The following PLEKHA5 variants were observed in gnomAD, a reference collection of about 807,000 sequenced individuals.
PLEKHA5 encodes the protein pleckstrin homology domain containing A5, also known as pleckstrin homology domain-containing family A member 5.
PLEKHA5 carries 55 observed loss-of-function variants against 181.9 expected under a neutral mutation model. That is an observed-to-expected ratio of 0.30 (90% CI 0.24 to 0.38). The LOEUF (loss-of-function observed/expected upper bound fraction) is 0.38. PLEKHA5 is among the 10% of genes least tolerant of loss of function. The pLI, the probability that PLEKHA5 is intolerant of heterozygous loss-of-function variation, is 1.00. For missense variants in PLEKHA5, 1,432 were observed against 1,549.5 expected, an observed-to-expected ratio of 0.92 and a Z score of 1.27; for synonymous variants, 535 against 529.4, an observed-to-expected ratio of 1.01 and a Z score of -0.15.
chr12:19,333,421 T>TA (rs774341489), intron 20 of PLEKHA5, among the ~76,000 whole-genome samples: 19 of 150,434 alleles, frequency 1.3e-4, no homozygotes, highest in Non-Finnish European at 2.1e-4. Context: ...CTACTAAAAA[T>TA]AAAAAAAAAT....
intron 15 of PLEKHA5, among the ~76,000 whole-genome samples, chr12:19,314,517 CTA>C (rs1197182095): frequency 6.6e-6 from 1 of 152,066 alleles, no homozygotes; most frequent in African/African-American, 2.4e-5. Context: ...GATTTATCAT[CTA>C]TTTTATTATA....
At chr12:19,341,237 G>A (rs939681148) in intron 21 of PLEKHA5, among the ~76,000 whole-genome samples, 21 of 152,162 alleles carry the variant, frequency 1.4e-4, no homozygotes, top group Middle Eastern at 3.4e-3. Flanking sequence ...AGATCACATC[G>A]CTGCACTCCA....
At chr12:19,330,100 G>A (rs528951852) in intron 20 of PLEKHA5, among the ~76,000 whole-genome samples, 21 of 152,130 alleles carry the variant, frequency 1.4e-4, no homozygotes, top group Middle Eastern at 6.8e-3. Context: ...GAAGTGTGGC[G>A]CAGTAATAGT....
chr12:19,232,672 G>A (rs2060810834), intron 3 of PLEKHA5, among the ~76,000 whole-genome samples: 1 of 152,052 alleles, frequency 6.6e-6, no homozygotes, highest in African/African-American at 2.4e-5. Context: ...AGGTGTTTAT[G>A]GATTCATTTG....
intron 29 of PLEKHA5, among the ~76,000 whole-genome samples, chr12:19,362,948 T>C (rs2095303545): frequency 6.9e-6 from 1 of 145,042 alleles, no homozygotes; most frequent in African/African-American, 2.5e-5. Context: ...CCAACTGTAC[T>C]ATGCCATTTG....
At chr12:19,289,925 A>G (rs1190191135) in intron 13 of PLEKHA5, among the ~76,000 whole-genome samples, 1 of 151,572 alleles carries the variant, frequency 6.6e-6, no homozygotes, top group Non-Finnish European at 1.5e-5. Flanking sequence ...ATTTTATTTT[A>G]TTTTATTTTT....
chr12:19,360,010 T>C (rs1221258273), intron 28 of PLEKHA5, among the ~76,000 whole-genome samples: 1 of 151,512 alleles, frequency 6.6e-6, no homozygotes, highest in Non-Finnish European at 1.5e-5. Context: ...TTTCTTTAGT[T>C]TGATTGATGT....
chr12:19,288,235 C>A, intron 13 of PLEKHA5: 1 of 173,428 alleles, frequency 5.8e-6, no homozygotes, highest in Non-Finnish European at 1.3e-5. Context: ...TTAAGTTTTT[C>A]GTGTGAATTT....
At chr12:19,165,141 G>A (rs544655810) in intron 3 of PLEKHA5, among the ~76,000 whole-genome samples, 1 of 152,296 alleles carries the variant, frequency 6.6e-6, no homozygotes, top group Admixed American at 6.5e-5. Context: ...TTAAGAGTTA[G>A]AGTTTTGGAG....
At chr12:19,244,285 TAAG>T (rs535675042) in intron 3 of PLEKHA5, among the ~76,000 whole-genome samples, 14 of 151,432 alleles carry the variant, frequency 9.2e-5, no homozygotes, top group African/African-American at 2.6e-4. Flanking sequence ...AAGGCCAACT[TAAG>T]AAGCTAGTAA....
In PLEKHA5 at chr12:19,336,523, A is replaced by G; in HGVS notation, c.2457A>G (p.Glu819=). The G allele has an allele frequency of 6.3e-7, 1 of 1,590,080 alleles. No homozygotes were observed. Among genetic ancestry groups the G allele is most frequent in the Non-Finnish European group, 8.6e-7 (1 of 1,162,268 alleles). ...RELSRATAEL[E]RAWREYDKLE... The stretch of plus-strand genomic sequence containing the variant: ...ACACTTTTTGGTTTTAGGAATTGGA[A>G]CGAGCATGGAGAGAATATGATAAGT... The change falls in exon 21 of 32, where the codon GAA becomes GAG. Residue 819 remains glutamate, a synonymous_variant. Transcript: ENST00000429027.
chr12:19,243,011 C>T (rs1219565238), intron 3 of PLEKHA5, among the ~76,000 whole-genome samples: 1 of 152,100 alleles, frequency 6.6e-6, no homozygotes, highest in Non-Finnish European at 1.5e-5. Context: ...ATTGGGAAAG[C>T]TTTCATTACT....
chr12:19,142,235 G>A (rs7960282), intron 3 of PLEKHA5, among the ~76,000 whole-genome samples: 99,110 of 151,836 alleles, frequency 0.65, 34,896 homozygotes, highest in Non-Finnish European at 0.81. Flanking sequence ...TGGTCATGGT[G>A]GTGTACCCCT....
chr12:19,298,084 C>T (rs901080893), intron 15 of PLEKHA5, among the ~76,000 whole-genome samples: 6 of 151,658 alleles, frequency 4.0e-5, no homozygotes, highest in South Asian at 2.1e-4. Flanking sequence ...GCGTACCACC[C>T]GCTACTTGGC....
intron 3 of PLEKHA5, among the ~76,000 whole-genome samples, chr12:19,134,894 A>AT (rs1233624592): frequency 1.3e-5 from 2 of 152,112 alleles, no homozygotes; most frequent in African/African-American, 4.8e-5. Flanking sequence ...TAGGAAAGTG[A>AT]TTCGTGTTGG....
chr12:19,218,501 G>C (rs546336149), intron 3 of PLEKHA5, among the ~76,000 whole-genome samples: 1 of 152,196 alleles, frequency 6.6e-6, no homozygotes, highest in African/African-American at 2.4e-5. Flanking sequence ...ATTTATGAAA[G>C]AAACCTAAAT....
intron 13 of PLEKHA5, among the ~76,000 whole-genome samples, chr12:19,289,925 ATTTTAT>A (rs938591088): frequency 6.6e-6 from 1 of 151,572 alleles, no homozygotes; most frequent in Non-Finnish European, 1.5e-5. Flanking sequence ...ATTTTATTTT[ATTTTAT>A]TTTTATTTAT....
rs577856784 is a variant in PLEKHA5 at position 19,227,465 on chromosome 12, G to A, written c.228-26475G>A. 1.8e-4 allele frequency among the ~76,000 whole-genome samples: 28 copies of A among 152,196 alleles called. No individual in the cohort carries two copies. In the South Asian group the frequency reaches 5.8e-3, roughly 32 times the overall value. ...GTAGTTTATTCTTTCAAGTAAAGCA[G>A]TCCCAGAGATAAGTATTCCAGGGTT... On this transcript the variant is annotated intron_variant, in intron 3 of 31. Coordinates refer to ENST00000429027, the MANE Select transcript of PLEKHA5 (RefSeq NM_001256470.2).
Position 19,143,647 on chromosome 12 carries a change from C to T in PLEKHA5, c.227+11197C>T, listed in dbSNP as rs577772807. Among the ~76,000 whole-genome samples, 8 of 151,964 alleles carry T rather than the reference C, an allele frequency of 5.3e-5. No homozygotes were observed. The South Asian group carries it at 6.2e-4, about 12-fold the overall frequency. Reference sequence around the variant, plus strand: ...GTGCAATTATGCACAATTATGTATGCGGCACATATGCATATATTATGCATT... The same window carrying T: ...GTGCAATTATGCACAATTATGTATGTGGCACATATGCATATATTATGCATT... On this transcript the variant is annotated intron_variant, in intron 3 of 31. Transcript: ENST00000429027.
Sources: allele counts gnomAD v4.1 joint callset (sites outside exome capture counted in the v4.1 genomes callset), GRCh38; gene constraint gnomAD v4.1.1; transcripts MANE v1.5; gene names NCBI Gene and HGNC (gene_info 2026-07-23, HGNC 2026-07-21).